TMC2: variants seen among roughly 807,000 people sequenced by gnomAD.
The protein encoded by TMC2 is transmembrane channel like 2.
Under a neutral mutation model 105.9 loss-of-function variants are expected in TMC2, and 102 were observed. The observed-to-expected ratio is 0.96, with a 90% CI of 0.82 to 1.14. The LOEUF (loss-of-function observed/expected upper bound fraction) is 1.14. Among genes scored for constraint, TMC2 ranks in the 50% most tolerant of loss-of-function variants. The pLI, the probability that TMC2 is intolerant of heterozygous loss-of-function variation, is 0.00. For synonymous variants in TMC2, 402 were observed against 422.8 expected, an observed-to-expected ratio of 0.95 and a Z score of 0.60; for missense variants, 1,093 against 1,134.3, an observed-to-expected ratio of 0.96 and a Z score of 0.52.
chr20:2,541,672 A>G (rs1364125167), intron 2 of TMC2, among the ~76,000 whole-genome samples: 2 of 151,950 alleles, frequency 1.3e-5, no homozygotes, highest in African/African-American at 2.4e-5. Flanking sequence ...AAGAAAGAAA[A>G]AAAAGAAAAG....
At chr20:2,566,876 T>C (rs1428663618) in intron 4 of TMC2, among the ~76,000 whole-genome samples, 1 of 152,172 alleles carries the variant, frequency 6.6e-6, no homozygotes, top group African/African-American at 2.4e-5. Flanking sequence ...AAAAATCTGC[T>C]ATTTCTGGCC....
At chr20:2,610,750 A>G (rs1466908460) in intron 12 of TMC2, 152 bp downstream of exon 12, 2 of 398,920 alleles carry the variant, frequency 5.0e-6, no homozygotes, top group African/African-American at 2.2e-5. Flanking sequence ...CTTGGACTCT[A>G]TGACCCAAAG....
chr20:2,536,607 G>T lies in TMC2; in HGVS notation c.-15G>T. 1.3e-6 allele frequency: 2 copies of T among 1,568,230 alleles called. No individual in the cohort carries two copies. Among genetic ancestry groups the T allele is most frequent in the Non-Finnish European group, 1.7e-6 (2 of 1,156,404 alleles). ...CTGCGTGAGCCTGTGCAGGACCCCA[G>T]CAGTGCTGCTGACCATGAGCCACCA... On this transcript the variant is annotated 5_prime_UTR_variant, in exon 1 of 20. Coordinates refer to ENST00000358864, the MANE Select transcript of TMC2 (RefSeq NM_080751.3).
chr20:2,576,889 G>A (rs1486374239), intron 5 of TMC2, among the ~76,000 whole-genome samples: 1 of 146,378 alleles, frequency 6.8e-6, no homozygotes, highest in Non-Finnish European at 1.5e-5. Flanking sequence ...TGGGTTTGGG[G>A]TTTCTTCTTG....
At chr20:2,621,395 G>A (rs2086524165) in intron 16 of TMC2, among the ~76,000 whole-genome samples, 1 of 150,578 alleles carries the variant, frequency 6.6e-6, no homozygotes, top group African/African-American at 2.4e-5. Flanking sequence ...AGGAAGGAGA[G>A]GGAGGGAGAT....
intron 7 of TMC2, among the ~76,000 whole-genome samples, chr20:2,585,776 A>AAG (rs1202551238): frequency 6.6e-6 from 1 of 152,236 alleles, no homozygotes; most frequent in Non-Finnish European, 1.5e-5. Flanking sequence ...TTCCATAGGC[A>AAG]AGCTCATAAG....
intron 6 of TMC2, among the ~76,000 whole-genome samples, chr20:2,579,637 T>A (rs2086174341): frequency 6.6e-6 from 1 of 152,038 alleles, no homozygotes; most frequent in African/African-American, 2.4e-5. Flanking sequence ...TTGGCCAGGC[T>A]GGTCTCGAAC....
At chr20:2,557,298 G>C (rs553984640) in intron 2 of TMC2, among the ~76,000 whole-genome samples, 1 of 151,938 alleles carries the variant, frequency 6.6e-6, no homozygotes, top group Non-Finnish European at 1.5e-5. Context: ...TTTCAGTTTG[G>C]GAAGTTTCTA....
chr20:2,611,801 A>T (rs904277093), intron 12 of TMC2, among the ~76,000 whole-genome samples: 4 of 148,162 alleles, frequency 2.7e-5, no homozygotes, highest in African/African-American at 1.0e-4. Context: ...TAGATGCATG[A>T]ATGGATGGCT....
In TMC2 at chr20:2,579,385, T is replaced by A. The variant is rs566724336; in HGVS notation, c.727+158T>A. ...GAACTTGTCAGGCCAAGATTTATTT[T>A]TTATTTATTTATTTATTTATTTATT... On this transcript the variant is annotated intron_variant, in intron 6 of 19. Transcript: ENST00000358864. 1.8e-3 allele frequency among the ~76,000 whole-genome samples: 195 copies of A among 106,928 alleles called. 1 individual carries two copies. The highest frequency in any genetic ancestry group is 8.2e-3 in the African/African-American group (178 of 21,636). The allele number at this position is 106,928 out of a possible 152,430, so 70.1% of individuals were successfully genotyped here.
intron 10 of TMC2, among the ~76,000 whole-genome samples, chr20:2,598,717 A>G (rs946799720): frequency 2.0e-5 from 3 of 152,188 alleles, no homozygotes; most frequent in African/African-American, 7.2e-5. Flanking sequence ...CCATGTCTCT[A>G]CTTTAAAATC....
At chr20:2,636,700 T>G (rs1447820053) in intron 18 of TMC2, among the ~76,000 whole-genome samples, 1 of 152,208 alleles carries the variant, frequency 6.6e-6, no homozygotes, top group Non-Finnish European at 1.5e-5. Context: ...CCCAGCTCAC[T>G]GCAACCTCCA....
intron 3 of TMC2, among the ~76,000 whole-genome samples, chr20:2,560,344 G>C (rs750921442): frequency 2.0e-4 from 30 of 152,120 alleles, no homozygotes; most frequent in South Asian, 1.7e-3. Flanking sequence ...TTGCTCCCCA[G>C]GAGTTAATCA....
Position 2,616,041 on chromosome 20 carries a change from T to C in TMC2, c.1873-96T>C, listed in dbSNP as rs867608024. The C allele has an allele frequency of 2.2e-6, 2 of 923,630 alleles. No homozygotes were observed. Among genetic ancestry groups the C allele is most frequent in the Middle Eastern group, 4.5e-4 (2 of 4,402 alleles). The allele number at this position is 923,630 out of a possible 1,614,324, so 57.2% of individuals were successfully genotyped here. ...CAGGCTCTTTGGGATGGAATGGCCT[T>C]GGCTTGGCCAGTTGGTTGGTAGTAG... is the stretch of plus-strand genomic sequence containing the variant. On this transcript the variant is annotated intron_variant, in intron 14 of 19. Coordinates refer to ENST00000358864, the MANE Select transcript of TMC2 (RefSeq NM_080751.3). This position sits in a 1 kb window ranked among gnomAD's most constrained non-coding sequence, Gnocchi z 4.8.
chr20:2,591,088 T>G lies in TMC2; in HGVS notation c.835-1222T>G, dbSNP rs558916737. Among the ~76,000 whole-genome samples the G allele has an allele frequency of 4.6e-4, 70 of 152,130 alleles. 1 individual carries two copies. Among genetic ancestry groups the G allele is most frequent in the African/African-American group, 1.6e-3 (66 of 41,494 alleles). ...ATATAAATCTAATCCATTTCTGATT[T>G]TTTTTACAATTAAGGATATGAATAA... On this transcript the variant is annotated intron_variant, in intron 7 of 19. Coordinates refer to ENST00000358864, the MANE Select transcript of TMC2 (RefSeq NM_080751.3).
intron 9 of TMC2, among the ~76,000 whole-genome samples, chr20:2,596,723 G>GTA (rs2086310409): frequency 6.6e-6 from 1 of 150,642 alleles, no homozygotes; most frequent in Non-Finnish European, 1.5e-5. Context: ...ATATATGTGT[G>GTA]TGTGTGTGTG....
chr20:2,555,597 C>G (rs1302884112), intron 2 of TMC2, among the ~76,000 whole-genome samples: 1 of 151,986 alleles, frequency 6.6e-6, no homozygotes, highest in Non-Finnish European at 1.5e-5. Flanking sequence ...TCTGACAATC[C>G]CTTTCTTTAG....
intron 17 of TMC2, among the ~76,000 whole-genome samples, chr20:2,625,972 T>C (rs1422696511): frequency 1.3e-5 from 2 of 152,206 alleles, no homozygotes; most frequent in East Asian, 3.8e-4. Context: ...CCTGGGTGTA[T>C]TTTTGTTGTC....
intron 2 of TMC2, among the ~76,000 whole-genome samples, chr20:2,546,083 AG>A (rs752027265): frequency 6.6e-6 from 1 of 152,204 alleles, no homozygotes; most frequent in Non-Finnish European, 1.5e-5. Flanking sequence ...CTCTCACAAA[AG>A]GTCCCCAAGT....
Sources: allele counts gnomAD v4.1 joint callset (sites outside exome capture counted in the v4.1 genomes callset), GRCh38; gene constraint gnomAD v4.1.1; non-coding constraint Gnocchi (gnomAD v3.1); transcripts MANE v1.5; gene names NCBI Gene and HGNC (gene_info 2026-07-23, HGNC 2026-07-21).